RSRP1: variants seen among roughly 807,000 people sequenced by gnomAD.
The protein encoded by RSRP1 is arginine and serine rich protein 1, also known as arginine/serine-rich protein 1.
Under a neutral mutation model 33.0 loss-of-function variants are expected in RSRP1, and 37 were observed. The observed-to-expected ratio is 1.12, with a 90% CI of 0.86 to 1.48. The LOEUF (loss-of-function observed/expected upper bound fraction) is 1.48. RSRP1 is among the 40% of genes most tolerant of loss of function. The pLI is 0.00. For synonymous variants in RSRP1, 167 were observed against 158.7 expected (o/e 1.05, Z -0.40); for missense variants, 402 against 385.3 (o/e 1.04, Z -0.36).
chr1:25,285,760 A>T lies in RSRP1; in HGVS notation c.-66-38731T>A, dbSNP rs1458113291. On this transcript the variant is annotated intron_variant, in intron 1 of 1. Transcript: ENST00000561867. ...CACTTAATAGGAGGAAGTAGGCTAA[A>T]TTTTTTCCTGAAACATTGTTTTGTT... 3.0e-5 allele frequency among the ~76,000 whole-genome samples: 4 copies of T among 134,982 alleles called. 1 individual carries two copies. The highest frequency in any genetic ancestry group is 7.0e-5 in the Non-Finnish European group (4 of 57,016). The allele number at this position is 134,982 out of a possible 152,430, so 88.6% of individuals were successfully genotyped here. A position where few individuals can be genotyped will look rare whatever the true frequency, so the allele number is the denominator to read the frequency against.
At chr1:25,247,875 G>C (rs939994906), upstream of RSRP1, 3 of 150,742 alleles carry the variant, frequency 2.0e-5, no homozygotes, top group Non-Finnish European at 2.9e-5. Flanking sequence ...CGGGCTCGGA[G>C]CTGGGGCCGT....
chr1:25,307,019 G>A, intron 1 of RSRP1: 3 of 372,608 alleles, frequency 8.1e-6, no homozygotes, highest in Non-Finnish European at 5.5e-6. Flanking sequence ...ATAGGCCCAA[G>A]CCAATTGAGA....
chr1:25,293,584 C>T lies in RSRP1; in HGVS notation c.-67+44394G>A, dbSNP rs1270862596. ...TTGCCCTTAAATGGAACTTCTGTAT[C>T]TTCAGAAGCACTCCAAGCGTTTCTT... On this transcript the variant is annotated intron_variant, in intron 1 of 1. Transcript: ENST00000561867. Among the ~76,000 whole-genome samples, 2 of 130,872 alleles carry T rather than the reference C, an allele frequency of 1.5e-5. 1 individual carries two copies. The highest frequency in any genetic ancestry group is 3.6e-5 in the Non-Finnish European group (2 of 55,544). The allele number at this position is 130,872 out of a possible 152,430, so 85.9% of individuals were successfully genotyped here. A position where few individuals can be genotyped will look rare whatever the true frequency, so the allele number is the denominator to read the frequency against.
chr1:25,319,620 C>T (rs1644589633), intron 1 of RSRP1, among the ~76,000 whole-genome samples: 1 of 131,812 alleles, frequency 7.6e-6, no homozygotes. Context: ...AAAAAGGAAA[C>T]AAAACAACTT....
chr1:25,260,907 T>G (rs1259356735), intron 1 of RSRP1, among the ~76,000 whole-genome samples: 2 of 151,374 alleles, frequency 1.3e-5, no homozygotes, highest in African/African-American at 4.9e-5. Flanking sequence ...GTTCAAGCAA[T>G]TCTCCTGCCT....
intron 1 of RSRP1, among the ~76,000 whole-genome samples, chr1:25,313,405 A>C (rs527830439): frequency 7.5e-6 from 1 of 133,140 alleles, no homozygotes; most frequent in African/African-American, 2.6e-5. Flanking sequence ...ACATGGAATC[A>C]TACAGTAAGT....
intron 1 of RSRP1, among the ~76,000 whole-genome samples, chr1:25,312,574 T>A (rs1366827861): frequency 1.5e-5 from 2 of 129,148 alleles, no homozygotes; most frequent in African/African-American, 5.3e-5. Context: ...GTGAGACCTG[T>A]CTCTACAAAA....
chr1:25,272,508 C>G, intron 1 of RSRP1: 1 of 1,555,382 alleles, frequency 6.4e-7, no homozygotes, highest in East Asian at 2.2e-5. Context: ...AGGGGTGATG[C>G]CTGGTGCTGG....
At position 25,292,417 on chromosome 1, in the gene RSRP1, A is replaced by G. The variant is rs1237188096; in HGVS notation, c.-66-45388T>C. The stretch of plus-strand genomic sequence containing the variant: ...CTCAGACTAGGACAATAGCTGTGAG[A>G]GTGATGGGAAGTGGTTGGATCCTGA... On this transcript the variant is annotated intron_variant, in intron 1 of 1. Transcript: ENST00000561867. Among the ~76,000 whole-genome samples the G allele has an allele frequency of 4.5e-5, 6 of 132,316 alleles. 2 individuals are homozygous for G. Among genetic ancestry groups the G allele is most frequent in the Non-Finnish European group, 1.1e-4 (6 of 55,828 alleles). The allele number at this position is 132,316 out of a possible 152,430, so 86.8% of individuals were successfully genotyped here. A position where few individuals can be genotyped will look rare whatever the true frequency, so the allele number is the denominator to read the frequency against.
chr1:25,288,103 A>G (rs138064617), intron 1 of RSRP1, among the ~76,000 whole-genome samples: 2 of 131,166 alleles, frequency 1.5e-5, no homozygotes, highest in African/African-American at 5.2e-5. Flanking sequence ...CTCAGCCTCA[A>G]CCTCACTGGG....
At position 25,310,019 on chromosome 1, in the gene RSRP1, T is replaced by C. The variant is rs1394954449; in HGVS notation, c.-67+27959A>G. Among the ~76,000 whole-genome samples, 4 of 132,868 alleles carry C rather than the reference T, an allele frequency of 3.0e-5. 1 individual carries two copies. The highest frequency in any genetic ancestry group is 7.3e-5 in the Admixed American group (1 of 13,616). The allele number at this position is 132,868 out of a possible 152,430, so 87.2% of individuals were successfully genotyped here. On this transcript the variant is annotated intron_variant, in intron 1 of 1. Transcript: ENST00000561867. The stretch of plus-strand genomic sequence containing the variant: ...AACCCAACTTATATAGTATAAGCTA[T>C]ATCCAGAAAAGTGCAAATATCATAC...
rs1295915312 is a variant in RSRP1 at position 25,304,840 on chromosome 1, G to A, written c.-67+33138C>T. ...TGAAACCCTGAAATGAAAGGAGGAA[G>A]GGCAGAAAAAAGAACACATAGCAAG... On this transcript the variant is annotated intron_variant, in intron 1 of 1. Transcript: ENST00000561867. 4.6e-5 allele frequency: 6 copies of A among 131,648 alleles called. 1 individual carries two copies. The highest frequency in any genetic ancestry group is 4.4e-4 in the Admixed American group (6 of 13,562). The allele number at this position is 131,648 out of a possible 1,614,324, so 8.2% of individuals were successfully genotyped here.
At chr1:25,258,366 G>C (rs1640013748) in intron 1 of RSRP1, among the ~76,000 whole-genome samples, 1 of 152,034 alleles carries the variant, frequency 6.6e-6, no homozygotes. Context: ...TTTTTGTAGA[G>C]ATTGGGTTTC....
At position 25,309,441 on chromosome 1, in the gene RSRP1, C is replaced by T. The variant is rs1644025111; in HGVS notation, c.-67+28537G>A. On this transcript the variant is annotated intron_variant, in intron 1 of 1. Coordinates refer to the RSRP1 transcript ENST00000561867. ...CTGCCATATCTGGGAGAGATTTTAG[C>T]AACATTTTGTTTTCATTGTATCTCT... 1.5e-5 allele frequency among the ~76,000 whole-genome samples: 2 copies of T among 131,680 alleles called. 1 individual carries two copies. The highest frequency in any genetic ancestry group is 3.6e-5 in the Non-Finnish European group (2 of 55,926). 86.4% of individuals were successfully genotyped at this position (131,680 alleles called of 152,430 possible). A position where few individuals can be genotyped will look rare whatever the true frequency, so the allele number is the denominator to read the frequency against.
upstream of RSRP1, chr1:25,247,793 GGCTGGACGTCAGT>G (rs1419204271): frequency 6.6e-6 from 1 of 152,478 alleles, no homozygotes; most frequent in Non-Finnish European, 1.5e-5. Context: ...GCACGGGCGG[GGCTGGACGTCAGT>G]GCCGGGCGGG....
At position 25,329,120 on chromosome 1, in the gene RSRP1, G is replaced by T. The variant is rs1238690699; in HGVS notation, c.-67+8858C>A. The T allele has an allele frequency of 7.5e-6, 9 of 1,205,062 alleles. 1 individual carries two copies. The East Asian group carries it at 2.2e-4, about 29-fold the overall frequency. The allele number at this position is 1,205,062 out of a possible 1,614,324, so 74.6% of individuals were successfully genotyped here. On this transcript the variant is annotated intron_variant, in intron 1 of 1. Transcript: ENST00000561867. ...AGAATCTCACCATTTATTATGCACT[G>T]TAGAATACAACAATAAAATACAGCC...
At chr1:25,259,344 C>T (rs187882309) in intron 1 of RSRP1, among the ~76,000 whole-genome samples, 112 of 152,146 alleles carry the variant, frequency 7.4e-4, no homozygotes, top group Middle Eastern at 3.4e-3. Context: ...CTGCCTGCCT[C>T]GGCCTCCCAA....
chr1:25,246,618 G>A lies in RSRP1; in HGVS notation c.346C>T (p.Arg116Cys). 6.2e-7 allele frequency: 1 copy of A among 1,614,050 alleles called. No homozygotes were observed. Among genetic ancestry groups the A allele is most frequent in the Non-Finnish European group, 8.5e-7 (1 of 1,180,014 alleles). The change falls in exon 2 of 5, where the codon CGT becomes TGT. Residue 116 changes from arginine to cysteine, a missense_variant. Arg to Cys is a radical substitution (Grantham distance 180). Coordinates refer to ENST00000243189, the MANE Select transcript of RSRP1 (RefSeq NM_020317.5). ...RSPSRYRSRS[R>C]SRSRSRGRSY... ...CTTCCCCGAGAGCGCGACCTGCTAC[G>A]GGACCGGGACCGGTACCGCGAAGGA... is the stretch of plus-strand genomic sequence containing the variant.
chr1:25,282,004 C>A (rs150910473), intron 1 of RSRP1, among the ~76,000 whole-genome samples: 2,000 of 132,156 alleles, frequency 0.015, 290 homozygotes, highest in African/African-American at 0.049. Flanking sequence ...GGCTGGAGAC[C>A]AGTGGCAGGT....
Sources: gnomAD v4.1 joint callset for allele counts (sites outside exome capture counted in the v4.1 genomes callset) on GRCh38, gnomAD v4.1.1 for gene constraint, MANE v1.5 for transcripts, NCBI Gene and HGNC (gene_info 2026-07-23, HGNC 2026-07-21) for gene names.